DNAH14: variants seen among roughly 807,000 people sequenced by gnomAD.
DNAH14 encodes dynein axonemal heavy chain 14.
A neutral mutation model predicts 520.9 loss-of-function variants in DNAH14; 478 were observed. The ratio of observed to expected loss-of-function variants is 0.92; its 90% CI spans 0.85 to 0.99. DNAH14 has a LOEUF of 0.99. DNAH14 is among the 50% of genes least tolerant of loss of function. The pLI, the probability that DNAH14 is intolerant of heterozygous loss-of-function variation, is 0.00. For synonymous variants in DNAH14, 1,581 were observed against 1,757.2 expected (o/e 0.90, Z 2.51); for missense variants, 4,831 against 5,234.5 (o/e 0.92, Z 2.38).
rs542250428 is a variant in DNAH14 at position 225,398,580 on chromosome 1, T to C, written c.13552T>C (p.Trp4518Arg). The change falls in exon 85 of 86, where the codon TGG (tryptophan) becomes CGG (arginine). Residue 4518 changes from tryptophan (W) to arginine (R), a missense_variant. Trp to Arg is a moderately radical substitution (Grantham distance 101). Transcript: ENST00000682510. The stretch of plus-strand genomic sequence containing the variant: ...TGGTTTATTCATCGAGGGGGCAAGA[T>C]GGAATCGTGAACAGAAAATACTGGA... ...IFGLFIEGAR[W>R]NREQKILEDS... 2.7e-5 allele frequency: 42 copies of C among 1,551,728 alleles called. No individual in the cohort carries two copies. The highest frequency in any genetic ancestry group is 3.4e-5 in the Non-Finnish European group (39 of 1,146,994).
intron 21 of DNAH14, among the ~76,000 whole-genome samples, chr1:225,088,463 G>T (rs539599359): frequency 5.3e-5 from 8 of 152,098 alleles, no homozygotes; most frequent in Non-Finnish European, 7.4e-5. Context: ...CATTGGAAAT[G>T]ATTCCATATG....
At chr1:225,214,990 T>C (rs1165646889) in intron 41 of DNAH14, among the ~76,000 whole-genome samples, 3 of 152,218 alleles carry the variant, frequency 2.0e-5, no homozygotes, top group Non-Finnish European at 2.9e-5. Context: ...GTTCTTTTAA[T>C]TGTGATGTTA....
intron 17 of DNAH14, among the ~76,000 whole-genome samples, chr1:225,070,737 T>C (rs1362229630): frequency 6.6e-6 from 1 of 152,174 alleles, no homozygotes; most frequent in Non-Finnish European, 1.5e-5. Context: ...GATCCAGTGC[T>C]GGGCTCGGGT....
intron 8 of DNAH14, among the ~76,000 whole-genome samples, chr1:224,986,953 A>C (rs1409908137): frequency 6.6e-6 from 1 of 152,236 alleles, no homozygotes; most frequent in Admixed American, 6.5e-5. Flanking sequence ...CTAAAAATCT[A>C]TTTGAATTAA....
chr1:225,141,374 A>G (rs528030405), intron 28 of DNAH14, among the ~76,000 whole-genome samples: 2 of 149,452 alleles, frequency 1.3e-5, no homozygotes, highest in South Asian at 4.2e-4. Context: ...TCATTTATAA[A>G]TTAAGCTTTA....
chr1:225,088,997 G>C (rs1419994935), intron 21 of DNAH14, among the ~76,000 whole-genome samples: 1 of 152,126 alleles, frequency 6.6e-6, no homozygotes, highest in Non-Finnish European at 1.5e-5. Context: ...CAGATGGCTT[G>C]TGCTATTTCT....
At chr1:225,070,747 T>C (rs1485091787) in intron 17 of DNAH14, among the ~76,000 whole-genome samples, 1 of 152,126 alleles carries the variant, frequency 6.6e-6, no homozygotes, top group Non-Finnish European at 1.5e-5. Flanking sequence ...TGGGCTCGGG[T>C]TGTGAATATC....
intron 15 of DNAH14, among the ~76,000 whole-genome samples, chr1:225,045,874 T>G (rs1259764857): frequency 2.0e-5 from 3 of 152,090 alleles, no homozygotes; most frequent in Non-Finnish European, 4.4e-5. Context: ...ACAGATATCT[T>G]GTTTCTCCTG....
chr1:225,164,993 CTGTT>C (rs1488303151), intron 35 of DNAH14, among the ~76,000 whole-genome samples: 2 of 152,016 alleles, frequency 1.3e-5, no homozygotes, highest in African/African-American at 4.8e-5. Context: ...ATTTATTCCT[CTGTT>C]TGAGTACTTC....
chr1:225,340,155 C>G (rs1331131583), intron 68 of DNAH14, among the ~76,000 whole-genome samples: 1 of 152,082 alleles, frequency 6.6e-6, no homozygotes, highest in African/African-American at 2.4e-5. Context: ...CAGGTAAAAA[C>G]CATGGTTTTC....
chr1:225,374,787 G>GTGAT lies in DNAH14; in HGVS notation c.12423_12426dup (p.Asn4143Ter), dbSNP rs1307423271. The GTGAT allele has an allele frequency of 1.9e-6, 3 of 1,551,460 alleles. No homozygotes were observed. In the African/African-American group the frequency reaches 4.1e-5, roughly 21 times the overall value. On this transcript the variant is annotated frameshift_variant, in exon 78 of 86. Transcript: ENST00000682510. LOFTEE classifies it high-confidence loss of function. ...TGGAGAAGTGATTTACGGTGGCCGG[G>GTGAT]TGATTGATAATTGGGACAAGCGATG...
intron 77 of DNAH14, among the ~76,000 whole-genome samples, chr1:225,374,259 T>C (rs2095664579): frequency 9.6e-6 from 1 of 103,986 alleles, no homozygotes; most frequent in Non-Finnish European, 1.9e-5. Flanking sequence ...TATATATATA[T>C]ATATATATAT....
At chr1:225,021,779 A>T (rs1481364768) in intron 10 of DNAH14, among the ~76,000 whole-genome samples, 1 of 152,218 alleles carries the variant, frequency 6.6e-6, no homozygotes, top group East Asian at 1.9e-4. Flanking sequence ...TTCAAAAAAA[A>T]AACTATTCTA....
At chr1:225,219,710 T>G (rs2089842275) in intron 41 of DNAH14, among the ~76,000 whole-genome samples, 1 of 152,080 alleles carries the variant, frequency 6.6e-6, no homozygotes, top group Non-Finnish European at 1.5e-5. Context: ...CAGATTAACA[T>G]CTGAATTCTA....
chr1:225,265,750 C>T (rs1032477556), intron 48 of DNAH14, among the ~76,000 whole-genome samples: 1 of 151,956 alleles, frequency 6.6e-6, no homozygotes, highest in African/African-American at 2.4e-5. Context: ...CTTCAGATTT[C>T]CTTGATTTTA....
chr1:225,260,666 G>A (rs1324558554), intron 46 of DNAH14, among the ~76,000 whole-genome samples: 3 of 151,946 alleles, frequency 2.0e-5, no homozygotes, highest in Non-Finnish European at 4.4e-5. Context: ...GGTTCCACTG[G>A]CAAAATGAAA....
intron 60 of DNAH14, among the ~76,000 whole-genome samples, chr1:225,315,375 G>A (rs1407038338): frequency 2.0e-5 from 3 of 151,730 alleles, no homozygotes; most frequent in African/African-American, 7.3e-5. Context: ...CCTCGCATTG[G>A]GTTAGAACAT....
At position 225,080,376 on chromosome 1, in the gene DNAH14, T is replaced by C; in HGVS notation, c.2767-3T>C. On this transcript the variant is annotated splice_polypyrimidine_tract_variant and splice_region_variant and intron_variant, in intron 18 of 85. Coordinates refer to ENST00000682510, the MANE Select transcript of DNAH14 (RefSeq NM_001367479.1). ...CTTAGAAAGTCCTACTCTTATTTTTTAGATAAGAACTCCTCTTCTGTTATG... is the reference window on the plus strand; with the variant it reads ...CTTAGAAAGTCCTACTCTTATTTTTCAGATAAGAACTCCTCTTCTGTTATG... 1.3e-6 allele frequency: 2 copies of C among 1,513,450 alleles called. No homozygotes were observed. The highest frequency in any genetic ancestry group is 2.5e-5 in the East Asian group (1 of 40,668). The allele number at this position is 1,513,450 out of a possible 1,614,324, so 93.8% of individuals were successfully genotyped here.
intron 16 of DNAH14, among the ~76,000 whole-genome samples, chr1:225,050,740 G>T (rs945983213): frequency 3.9e-5 from 6 of 152,154 alleles, no homozygotes; most frequent in Non-Finnish European, 1.5e-5. Flanking sequence ...TATCTAAATA[G>T]TTACGTCTTT....
Sources: allele counts gnomAD v4.1 joint callset (sites outside exome capture counted in the v4.1 genomes callset), GRCh38; gene constraint gnomAD v4.1.1; transcripts MANE v1.5; gene names NCBI Gene and HGNC (gene_info 2026-07-23, HGNC 2026-07-21).